The following DUSP15 variants were observed in gnomAD, a reference collection of about 807,000 sequenced individuals.
DUSP15 encodes dual specificity phosphatase 15, also known as dual specificity protein phosphatase 15.
DUSP15 carries 23 observed loss-of-function variants against 26.3 expected under a neutral mutation model. That is an observed-to-expected ratio of 0.87 (90% CI 0.63 to 1.24). The LOEUF (loss-of-function observed/expected upper bound fraction) is 1.24, where lower values mean the gene tolerates loss of function less well. DUSP15 is among the 50% of genes most tolerant of loss of function. The pLI is 0.00. For synonymous variants in DUSP15, 143 were observed against 135.5 expected (o/e 1.06, Z -0.39); for missense variants, 364 against 320.6 (o/e 1.14, Z -1.03).
rs374650117 is a variant in DUSP15 at position 31,869,541 on chromosome 20, G to A, written c.55+23C>T. On this transcript the variant is annotated intron_variant, in intron 2 of 6. Transcript: ENST00000339738. ...GAGACAGGCAGAGTGCCATGGCCTC[G>A]GGACAGAGTGGGCAGTGCTCACCAA... is the stretch of plus-strand genomic sequence containing the variant. The A allele has an allele frequency of 6.3e-5, 101 of 1,609,032 alleles. No individual in the cohort carries two copies. The South Asian group carries it at 7.1e-4, about 11-fold the overall frequency.
chr20:31,861,789 C>G, intron 6 of DUSP15, 114 bp from the exon 7 acceptor site: 1 of 826,816 alleles, frequency 1.2e-6, no homozygotes, highest in Non-Finnish European at 1.7e-6. Context: ...TCCCACACCT[C>G]GCTGAGCCCC....
In DUSP15 at chr20:31,867,157, A is replaced by G. The variant is rs749865104; in HGVS notation, c.56-4T>C. 2 of 1,580,122 alleles carry G rather than the reference A, an allele frequency of 1.3e-6. No individual in the cohort carries two copies. ...AGCTGATCCAGGTCTTTGGCATCTG[A>G]AAGAAACAGGATGCTTGAGCCAATC... On this transcript the variant is annotated splice_region_variant and splice_polypyrimidine_tract_variant and intron_variant, in intron 2 of 6. Transcript: ENST00000339738.
chr20:31,866,364 G>T (rs1178569017), intron 3 of DUSP15, among the ~76,000 whole-genome samples: 1 of 152,216 alleles, frequency 6.6e-6, no homozygotes, highest in Non-Finnish European at 1.5e-5. Context: ...ACCACTCAGT[G>T]AAGTGGGTAC....
chr20:31,863,664 C>A, intron 5 of DUSP15: 1 of 495,848 alleles, frequency 2.0e-6, no homozygotes, highest in Non-Finnish European at 3.7e-6. Context: ...CTTTCTTTTC[C>A]GCATTTTACA....
chr20:31,855,917 G>C (rs1213771620), intron 6 of DUSP15, among the ~76,000 whole-genome samples: 1 of 152,130 alleles, frequency 6.6e-6, no homozygotes, highest in East Asian at 1.9e-4. Flanking sequence ...TGAATGCATC[G>C]GGGGAGGCTC....
chr20:31,864,214 C>T (rs1397450173), intron 4 of DUSP15: 5 of 1,310,992 alleles, frequency 3.8e-6, no homozygotes, highest in Non-Finnish European at 4.9e-6. Flanking sequence ...ACAAATCTCA[C>T]CATCTAGGCA....
At chr20:31,863,533 C>G (rs1206476357) in intron 5 of DUSP15, 1 of 181,224 alleles carries the variant, frequency 5.5e-6, no homozygotes, top group Admixed American at 5.9e-5. Context: ...TCGGGGTTCC[C>G]CACTGCCCTG....
rs964170958 is a variant in DUSP15, at chr20:31,867,140, C to G, written c.69G>C (p.Leu23=). ...YLGNFIDAKD[L]DQLGRNKITH... ...TGATCTTATTTCGGCCCAGCTGATCCAGGTCTTTGGCATCTGAAAGAAACA... is the reference window on the plus strand; with the variant it reads ...TGATCTTATTTCGGCCCAGCTGATCGAGGTCTTTGGCATCTGAAAGAAACA... The change falls in exon 3 of 7, where the codon CTG becomes CTC. Residue 23 remains leucine (L), a synonymous_variant. Coordinates refer to ENST00000339738, the MANE Select transcript of DUSP15 (RefSeq NM_080611.5). 7 of 1,588,224 alleles carry G rather than the reference C, an allele frequency of 4.4e-6. No individual in the cohort carries two copies. The highest frequency in any genetic ancestry group is 2.3e-5 in the East Asian group (1 of 43,878).
Position 31,870,517 on chromosome 20 carries a change from G to T in DUSP15, c.-180C>A. 1 of 1,430,118 alleles carries T rather than the reference G, an allele frequency of 7.0e-7. No individual in the cohort carries two copies. Among genetic ancestry groups the T allele is most frequent in the Non-Finnish European group, 9.1e-7 (1 of 1,094,914 alleles). The allele number at this position is 1,430,118 out of a possible 1,614,324, so 88.6% of individuals were successfully genotyped here. On this transcript the variant is annotated 5_prime_UTR_variant, in exon 1 of 7. Transcript: ENST00000339738. The surrounding 1 kb of genome is among the most constrained non-coding windows in gnomAD (Gnocchi z 6.6). ...GCCACCGCCCGCCGACCCCCGGCCC[G>T]GGAGGGAAATGGTGGTGGAGCCGCC...
chr20:31,855,468 C>G (rs2062545326), intron 6 of DUSP15, among the ~76,000 whole-genome samples: 1 of 152,134 alleles, frequency 6.6e-6, no homozygotes, highest in African/African-American at 2.4e-5. Flanking sequence ...AAGAGATAAG[C>G]TGAAGCTAGA....
downstream of DUSP15, among the ~76,000 whole-genome samples, chr20:31,856,875 C>A (rs146276134): frequency 7.2e-5 from 11 of 151,880 alleles, no homozygotes; most frequent in East Asian, 2.1e-3. Flanking sequence ...GAAACAAAGG[C>A]CTGGGAGGGG....
chr20:31,846,475 A>AGAGGGGGG (rs71274237), downstream of DUSP15, among the ~76,000 whole-genome samples: 1 of 79,616 alleles, frequency 1.3e-5, no homozygotes, highest in African/African-American at 7.4e-5. Flanking sequence ...AGAGAGAGAG[A>AGAGGGGGG]GGAGAGAGAG....
At position 31,870,447 on chromosome 20, in the gene DUSP15, G is replaced by A. The variant is rs867605025; in HGVS notation, c.-110C>T. 7.6e-5 allele frequency: 97 copies of A among 1,284,540 alleles called. No homozygotes were observed. In the African/African-American group the frequency reaches 1.2e-3, roughly 16 times the overall value. 79.6% of individuals were successfully genotyped at this position (1,284,540 alleles called of 1,614,324 possible). A position where few individuals can be genotyped will look rare whatever the true frequency, so the allele number is the denominator to read the frequency against. ...CGACGCCTGCAGCCTGGCGGGGAACGGGGGGCCTGGCGTCCGCGGCCCTGC... is the reference window on the plus strand; with the variant it reads ...CGACGCCTGCAGCCTGGCGGGGAACAGGGGGCCTGGCGTCCGCGGCCCTGC... On this transcript the variant is annotated 5_prime_UTR_variant, in exon 1 of 7. Transcript: ENST00000339738. This position sits in a 1 kb window ranked among gnomAD's most constrained non-coding sequence, Gnocchi z 6.6.
downstream of DUSP15, among the ~76,000 whole-genome samples, chr20:31,846,727 G>T (rs924900451): frequency 6.6e-6 from 1 of 152,084 alleles, no homozygotes; most frequent in Non-Finnish European, 1.5e-5. Flanking sequence ...CATCCCTGTC[G>T]CCCCCTAGTG....
chr20:31,861,497 G>A lies in DUSP15; in HGVS notation c.614C>T (p.Pro205Leu). ...CGGCAGCGGCCGGTGGGCTTCCCGG[G>A]GCGTGCGCGGCACCAGGCGCTGCAC... is the stretch of plus-strand genomic sequence containing the variant. ...GTVQRLVPRTPREAHRPLPLL... is the reference protein window; with the variant it reads ...GTVQRLVPRTLREAHRPLPLL... The change falls in exon 7 of 7, where the codon CCC becomes CTC. Residue 205 changes from proline to leucine, a missense_variant. Coordinates refer to ENST00000339738, the MANE Select transcript of DUSP15 (RefSeq NM_080611.5). 6.5e-7 allele frequency: 1 copy of A among 1,532,192 alleles called. No individual in the cohort carries two copies. Among genetic ancestry groups the A allele is most frequent in the Non-Finnish European group, 8.7e-7 (1 of 1,148,630 alleles). The allele number at this position is 1,532,192 out of a possible 1,614,324, so 94.9% of individuals were successfully genotyped here. A position where few individuals can be genotyped will look rare whatever the true frequency, so the allele number is the denominator to read the frequency against.
At chr20:31,866,838 T>C (rs2062777613) in intron 3 of DUSP15, among the ~76,000 whole-genome samples, 2 of 152,224 alleles carry the variant, frequency 1.3e-5, no homozygotes, top group South Asian at 4.1e-4. Flanking sequence ...ATGGCCTGTG[T>C]TCATACCCCA....
At chr20:31,860,034 C>T (rs55889187), downstream of DUSP15, among the ~76,000 whole-genome samples, 23,428 of 152,176 alleles carry the variant, frequency 0.15, 1,962 homozygotes, top group African/African-American at 0.2. Context: ...GATAACCAAA[C>T]GGTCCACTCC....
Position 31,861,508 on chromosome 20 carries a change from C to G in DUSP15, c.603G>C (p.Val201=), listed in dbSNP as rs979031205. The G allele has an allele frequency of 6.5e-7, 1 of 1,529,040 alleles. No homozygotes were observed. Among genetic ancestry groups the G allele is most frequent in the Non-Finnish European group, 8.7e-7 (1 of 1,147,122 alleles). The allele number at this position is 1,529,040 out of a possible 1,614,324, so 94.7% of individuals were successfully genotyped here. A position where few individuals can be genotyped will look rare whatever the true frequency, so the allele number is the denominator to read the frequency against. ...AASEGTVQRL[V]PRTPREAHRP... Reference sequence around the variant, plus strand: ...GGTGGGCTTCCCGGGGCGTGCGCGGCACCAGGCGCTGCACGGTTCCCTCGG... The same window carrying G: ...GGTGGGCTTCCCGGGGCGTGCGCGGGACCAGGCGCTGCACGGTTCCCTCGG... The change falls in exon 7 of 7, where the codon GTG becomes GTC. Residue 201 remains valine (V), a synonymous_variant. Transcript: ENST00000339738.
At chr20:31,855,410 A>T (rs1332409542) in intron 6 of DUSP15, among the ~76,000 whole-genome samples, 1 of 152,196 alleles carries the variant, frequency 6.6e-6, no homozygotes, top group Non-Finnish European at 1.5e-5. Flanking sequence ...ATGAATAATG[A>T]GGGTCGACTG....
Sources: allele counts gnomAD v4.1 joint callset (sites outside exome capture counted in the v4.1 genomes callset), GRCh38; gene constraint gnomAD v4.1.1; non-coding constraint Gnocchi (gnomAD v3.1); transcripts MANE v1.5; gene names NCBI Gene and HGNC (gene_info 2026-07-23, HGNC 2026-07-21).